SORCS1: variants seen among roughly 807,000 people sequenced by gnomAD.
SORCS1 encodes sortilin related VPS10 domain containing receptor 1, also known as VPS10 domain-containing receptor SorCS1.
Under a neutral mutation model 146.1 loss-of-function variants are expected in SORCS1, and 60 were observed. The ratio of observed to expected loss-of-function variants is 0.41; its 90% CI spans 0.33 to 0.51. SORCS1 has a LOEUF of 0.51. SORCS1 is among the 20% of genes least tolerant of loss of function. SORCS1 has a pLI of 0.21. For missense variants in SORCS1, 1,352 were observed against 1,487.6 expected, an observed-to-expected ratio of 0.91 and a Z score of 1.50; for synonymous variants, 637 against 584.0, an observed-to-expected ratio of 1.09 and a Z score of -1.31.
At chr10:106,916,962 C>T (rs1952474316) in intron 2 of SORCS1, among the ~76,000 whole-genome samples, 2 of 152,244 alleles carry the variant, frequency 1.3e-5, no homozygotes, top group East Asian at 1.9e-4. Context: ...AGGCTGGTCT[C>T]GAACTCCTGA....
At chr10:107,093,973 T>C (rs1238170432) in intron 1 of SORCS1, among the ~76,000 whole-genome samples, 1 of 152,112 alleles carries the variant, frequency 6.6e-6, no homozygotes. Context: ...GAAGCACACA[T>C]AGCTCACTCC....
intron 2 of SORCS1, among the ~76,000 whole-genome samples, chr10:106,912,855 T>G (rs1952231541): frequency 6.6e-6 from 1 of 151,938 alleles, no homozygotes; most frequent in South Asian, 2.1e-4. Context: ...ATTTTTGTAT[T>G]TTTTTAGTAG....
chr10:106,850,076 GAGGCAGGC>G (rs1438318984), intron 2 of SORCS1, among the ~76,000 whole-genome samples: 2 of 152,046 alleles, frequency 1.3e-5, no homozygotes, highest in Non-Finnish European at 2.9e-5. Context: ...GGAGTGTACA[GAGGCAGGC>G]AGGCCTCCTT....
In SORCS1 at chr10:107,070,031, T is replaced by C. The variant is rs561572044; in HGVS notation, c.558+93938A>G. Reference sequence around the variant, plus strand: ...TGAATCTACTTTCTGTCTGTATTCTTTGTGGAAGTGTCTACTCAGAATATT... The same window carrying C: ...TGAATCTACTTTCTGTCTGTATTCTCTGTGGAAGTGTCTACTCAGAATATT... On this transcript the variant is annotated intron_variant, in intron 1 of 25. Coordinates refer to ENST00000263054, the MANE Select transcript of SORCS1 (RefSeq NM_052918.5). Among the ~76,000 whole-genome samples, 8 of 152,350 alleles carry C rather than the reference T, an allele frequency of 5.3e-5. No homozygotes were observed. In the South Asian group the frequency reaches 1.7e-3, roughly 32 times the overall value.
At chr10:106,800,741 C>T (rs1946826478) in intron 3 of SORCS1, among the ~76,000 whole-genome samples, 1 of 151,874 alleles carries the variant, frequency 6.6e-6, no homozygotes, top group African/African-American at 2.4e-5. Context: ...CGGGGTTTCA[C>T]CGTGTTAGCC....
intron 3 of SORCS1, among the ~76,000 whole-genome samples, chr10:106,806,956 C>T (rs1386837637): frequency 6.6e-6 from 1 of 152,084 alleles, no homozygotes; most frequent in Non-Finnish European, 1.5e-5. Flanking sequence ...TATTTTAATT[C>T]CCATAGTCCT....
At chr10:106,704,615 G>A (rs369132575) in intron 8 of SORCS1, among the ~76,000 whole-genome samples, 95 of 152,248 alleles carry the variant, frequency 6.2e-4, no homozygotes, top group African/African-American at 2.1e-3. Flanking sequence ...GCTTGAACCC[G>A]GGAGGTGGAG....
chr10:106,584,055 A>G, intron 24 of SORCS1, among the ~76,000 whole-genome samples: 1 of 152,296 alleles, frequency 6.6e-6, no homozygotes, highest in South Asian at 2.1e-4. Context: ...ATACCTTGAT[A>G]TTCTTTTTTC....
chr10:106,772,084 GT>G (rs915135385), intron 4 of SORCS1, among the ~76,000 whole-genome samples: 1 of 152,128 alleles, frequency 6.6e-6, no homozygotes, highest in Non-Finnish European at 1.5e-5. Context: ...ATCTGTAAGG[GT>G]TTTTTTAGAA....
chr10:107,109,756 C>A (rs865776763), intron 1 of SORCS1, among the ~76,000 whole-genome samples: 1 of 152,196 alleles, frequency 6.6e-6, no homozygotes, highest in Non-Finnish European at 1.5e-5. Context: ...TTCTGTGTCA[C>A]GTGGCTAGGC....
chr10:106,671,211 T>A, intron 16 of SORCS1, 26 bp downstream of exon 16: 2 of 1,613,850 alleles, frequency 1.2e-6, no homozygotes, highest in African/African-American at 2.7e-5. Flanking sequence ...ACCAAATGGC[T>A]CCAGGAGATA....
intron 1 of SORCS1, among the ~76,000 whole-genome samples, chr10:107,044,909 T>C (rs752489609): frequency 1.3e-5 from 2 of 151,892 alleles, no homozygotes; most frequent in African/African-American, 2.4e-5. Context: ...GTCAGTTTTA[T>C]ATTGAAGGGT....
At chr10:107,103,038 T>G (rs920842072) in intron 1 of SORCS1, among the ~76,000 whole-genome samples, 4 of 152,174 alleles carry the variant, frequency 2.6e-5, no homozygotes, top group Non-Finnish European at 5.9e-5. Context: ...ACCTTTCTCC[T>G]TCCAACACTC....
intron 1 of SORCS1, among the ~76,000 whole-genome samples, chr10:107,141,915 A>G (rs1967879073): frequency 6.6e-6 from 1 of 152,218 alleles, no homozygotes; most frequent in Non-Finnish European, 1.5e-5. Flanking sequence ...CTTGTAAAAT[A>G]GTCTAATTCC....
intron 3 of SORCS1, among the ~76,000 whole-genome samples, chr10:106,806,384 AAAAATAAAAT>A (rs201338721): frequency 0.14 from 20,074 of 139,544 alleles, 1,529 homozygotes; most frequent in East Asian, 0.25. Context: ...AAAATAAAAT[AAAAATAAAAT>A]AAAATAAAAT....
At chr10:107,080,511 G>A (rs934304374) in intron 1 of SORCS1, among the ~76,000 whole-genome samples, 70 of 152,236 alleles carry the variant, frequency 4.6e-4, no homozygotes, top group African/African-American at 1.6e-3. Flanking sequence ...CCTGAGTCGC[G>A]TGTGGTCTGG....
chr10:106,612,126 C>T (rs774812753), intron 21 of SORCS1, 103 bp from the exon 22 acceptor site: 2 of 828,072 alleles, frequency 2.4e-6, no homozygotes, highest in Non-Finnish European at 3.8e-6. Flanking sequence ...TTCCCCTTCA[C>T]TTACCATAGG....
the SORCS1 span, among the ~76,000 whole-genome samples, chr10:107,177,074 T>G: frequency 6.6e-6 from 1 of 152,140 alleles, no homozygotes; most frequent in African/African-American, 2.4e-5. Flanking sequence ...CTTTTAAAAT[T>G]TATACTTTCA....
chr10:107,150,547 G>A (rs182660228), intron 1 of SORCS1, among the ~76,000 whole-genome samples: 50 of 152,314 alleles, frequency 3.3e-4, no homozygotes, highest in Non-Finnish European at 5.6e-4. Context: ...GAAGGGCACC[G>A]TCTTCTTAGG....
Sources: allele counts gnomAD v4.1 joint callset (sites outside exome capture counted in the v4.1 genomes callset), GRCh38; gene constraint gnomAD v4.1.1; transcripts MANE v1.5; gene names NCBI Gene and HGNC (gene_info 2026-07-23, HGNC 2026-07-21).